Variants in DENND4A observed in about 807,000 individuals in gnomAD.
DENND4A encodes the protein DENN domain containing 4A.
In DENND4A, 70 loss-of-function variants were observed where a neutral mutation model predicts 199.3. The observed-to-expected ratio is 0.35, with a 90% CI of 0.29 to 0.43. DENND4A has a LOEUF of 0.43. Among genes scored for constraint, DENND4A ranks in the 20% least tolerant of loss-of-function variants. DENND4A has a pLI of 1.00. For synonymous variants in DENND4A, 686 were observed against 766.9 expected (o/e 0.89, Z 1.74); for missense variants, 1,723 against 2,255.8 (o/e 0.76, Z 4.78).
intron 1 of DENND4A, chr15:65,771,263 C>T (rs774482577): frequency 1.3e-5 from 20 of 1,588,690 alleles, no homozygotes; most frequent in Middle Eastern, 2.3e-4. Flanking sequence ...TCGATCACCA[C>T]GGTATACTTT....
chr15:65,760,744 C>T lies in DENND4A; in HGVS notation c.-23+616G>A, dbSNP rs1398478140. Among the ~76,000 whole-genome samples the T allele has an allele frequency of 7.2e-5, 11 of 151,956 alleles. No individual in the cohort carries two copies. The South Asian group carries it at 1.9e-3, about 26-fold the overall frequency. On this transcript the variant is annotated intron_variant, in intron 2 of 32. Coordinates refer to ENST00000443035, the MANE Select transcript of DENND4A (RefSeq NM_001320835.1). Reference sequence around the variant, plus strand: ...TTTCTACCAAAAATACAAAAATTAGCCAGGCATGATGGTGCATGCCTATGA... The same window carrying T: ...TTTCTACCAAAAATACAAAAATTAGTCAGGCATGATGGTGCATGCCTATGA...
intron 9 of DENND4A, among the ~76,000 whole-genome samples, chr15:65,731,041 T>C (rs2075942004): frequency 6.6e-6 from 1 of 152,054 alleles, no homozygotes; most frequent in East Asian, 1.9e-4. Flanking sequence ...TGAAATAATC[T>C]GCAATTCTTA....
intron 1 of DENND4A, among the ~76,000 whole-genome samples, chr15:65,778,012 G>A (rs905414518): frequency 3.9e-5 from 6 of 151,950 alleles, no homozygotes; most frequent in Admixed American, 6.6e-5. Context: ...CAGCCTGGGC[G>A]ACAGAGGGAG....
In DENND4A at chr15:65,740,504, C is replaced by T. The variant is rs79419388; in HGVS notation, c.631+1211G>A. 6.6e-3 allele frequency among the ~76,000 whole-genome samples: 992 copies of T among 150,224 alleles called. 11 individuals are homozygous for T. Among genetic ancestry groups the T allele is most frequent in the African/African-American group, 0.023 (951 of 40,880 alleles). ...GGTGGCACATGCCACCATGTACTCT[C>T]GGTAGTCTCAGCTACTTGGGAGGCT... On this transcript the variant is annotated intron_variant, in intron 5 of 32. Transcript: ENST00000443035.
At chr15:65,738,569 T>A in intron 6 of DENND4A, 137 bp downstream of exon 6, 7 of 697,664 alleles carry the variant, frequency 1.0e-5, no homozygotes, top group South Asian at 3.2e-5. Context: ...TGTCCCTGGA[T>A]ACAGTTATTT....
intron 1 of DENND4A, chr15:65,771,690 C>A (rs1013707488): frequency 1.9e-6 from 3 of 1,610,514 alleles, no homozygotes; most frequent in Non-Finnish European, 2.5e-6. Context: ...GGAAATCCAC[C>A]CCCAAAAAAT....
rs901998656 is a variant in DENND4A, at chr15:65,696,922, A to C, written c.2950+345T>G. On this transcript the variant is annotated intron_variant, in intron 21 of 32. Coordinates refer to ENST00000443035, the MANE Select transcript of DENND4A (RefSeq NM_001320835.1). ...ATGAATACCCAATCATCATGCTCAT[A>C]AACTACAAAAGGATCACAAGCTTTA... 3.8e-5 allele frequency: 12 copies of C among 318,012 alleles called. No homozygotes were observed. In the South Asian group the frequency reaches 4.4e-4, roughly 12 times the overall value. 19.7% of individuals were successfully genotyped at this position (318,012 alleles called of 1,614,324 possible).
At chr15:65,721,997 G>C (rs2075660155) in intron 12 of DENND4A, among the ~76,000 whole-genome samples, 1 of 152,030 alleles carries the variant, frequency 6.6e-6, no homozygotes, top group African/African-American at 2.4e-5. Flanking sequence ...ATTTCTTAAT[G>C]CTATTGGCAA....
intron 23 of DENND4A, among the ~76,000 whole-genome samples, chr15:65,689,686 C>T (rs143515290): frequency 1.1e-3 from 165 of 152,294 alleles, no homozygotes; most frequent in African/African-American, 3.8e-3. Flanking sequence ...TTCTCACAGA[C>T]GTTCTACTTA....
chr15:65,767,719 T>G (rs908618572), intron 1 of DENND4A, among the ~76,000 whole-genome samples: 4 of 152,150 alleles, frequency 2.6e-5, no homozygotes, highest in African/African-American at 9.7e-5. Flanking sequence ...TTAAATTTAG[T>G]GTTGAATGAA....
chr15:65,716,113 G>C (rs2075390096), intron 13 of DENND4A, among the ~76,000 whole-genome samples: 1 of 151,918 alleles, frequency 6.6e-6, no homozygotes, highest in South Asian at 2.1e-4. Context: ...ACTGCACTTG[G>C]GCCTTCTTTC....
At chr15:65,671,345 T>C (rs1049892954) in intron 25 of DENND4A, among the ~76,000 whole-genome samples, 4 of 152,228 alleles carry the variant, frequency 2.6e-5, no homozygotes, top group Non-Finnish European at 5.9e-5. Context: ...TTTACTCAGA[T>C]GCAATTCACA....
In DENND4A at chr15:65,682,908, T is replaced by A. The variant is rs116884687; in HGVS notation, c.4180-6274A>T. On this transcript the variant is annotated intron_variant, in intron 23 of 32. Transcript: ENST00000443035. ...GTGGACAGTCAGAAATTACACAACATTTATCGATGAAGTTTACCATCTTAT... is the reference window on the plus strand; with the variant it reads ...GTGGACAGTCAGAAATTACACAACAATTATCGATGAAGTTTACCATCTTAT... 7.2e-4 allele frequency among the ~76,000 whole-genome samples: 109 copies of A among 152,284 alleles called. No individual in the cohort carries two copies. The East Asian group carries it at 0.021, about 29-fold the overall frequency.
intron 3 of DENND4A, among the ~76,000 whole-genome samples, chr15:65,753,301 T>C (rs577629109): frequency 3.0e-4 from 46 of 152,330 alleles, no homozygotes; most frequent in Non-Finnish European, 4.3e-4. Context: ...CATTGATTTG[T>C]ACTTTAATGC....
intron 1 of DENND4A, among the ~76,000 whole-genome samples, chr15:65,787,433 T>C (rs771006057): frequency 4.6e-5 from 7 of 152,208 alleles, no homozygotes; most frequent in Non-Finnish European, 8.8e-5. Context: ...CCTTGATATC[T>C]TTCTACCTCT....
chr15:65,760,200 T>C (rs918332937), intron 2 of DENND4A, among the ~76,000 whole-genome samples: 4 of 152,204 alleles, frequency 2.6e-5, no homozygotes, highest in South Asian at 4.1e-4. Flanking sequence ...CTTTATGTTA[T>C]TTAAACTAAA....
At chr15:65,751,617 C>G (rs1319944715) in intron 4 of DENND4A, among the ~76,000 whole-genome samples, 1 of 151,996 alleles carries the variant, frequency 6.6e-6, no homozygotes, top group Non-Finnish European at 1.5e-5. Context: ...AAGGAATCAG[C>G]AAAGGCAGAA....
chr15:65,718,415 G>T (rs567509248), intron 12 of DENND4A, among the ~76,000 whole-genome samples: 22 of 152,068 alleles, frequency 1.4e-4, no homozygotes, highest in African/African-American at 4.8e-4. Flanking sequence ...TTGTAACCGA[G>T]AAGGCAATAG....
Position 65,697,906 on chromosome 15 carries a change from G to A in DENND4A, c.2834-523C>T, listed in dbSNP as rs1042540942. Among the ~76,000 whole-genome samples, 6 of 152,100 alleles carry A rather than the reference G, an allele frequency of 3.9e-5. No individual in the cohort carries two copies. The South Asian group carries it at 1.0e-3, about 26-fold the overall frequency. ...TGAATAATCATTGAACTGTATGTGA[G>A]TACAAATACATGGGAATGAGATAAA... On this transcript the variant is annotated intron_variant, in intron 20 of 32. Transcript: ENST00000443035.
Sources: gnomAD v4.1 joint callset for allele counts (sites outside exome capture counted in the v4.1 genomes callset) on GRCh38, gnomAD v4.1.1 for gene constraint, MANE v1.5 for transcripts, NCBI Gene and HGNC (gene_info 2026-07-23, HGNC 2026-07-21) for gene names.